DACH1: variants seen among roughly 807,000 people sequenced by gnomAD.
DACH1 encodes the protein dachshund homolog 1.
A neutral mutation model predicts 54.2 loss-of-function variants in DACH1; 12 were observed. That is an observed-to-expected ratio of 0.22 (90% CI 0.14 to 0.36). The LOEUF is 0.36. Among genes scored for constraint, DACH1 ranks in the 10% least tolerant of loss-of-function variants. The pLI, the probability that DACH1 is intolerant of heterozygous loss-of-function variation, is 1.00. For missense variants in DACH1, 805 were observed against 929.8 expected (o/e 0.87, Z 1.75); for synonymous variants, 386 against 366.2 (o/e 1.05, Z -0.62).
intron 10 of DACH1, among the ~76,000 whole-genome samples, chr13:71,444,377 A>T (rs1405428557): frequency 6.6e-6 from 1 of 152,136 alleles, no homozygotes; most frequent in East Asian, 1.9e-4. Flanking sequence ...TCTAGCATGT[A>T]TTCAATTATA....
chr13:71,856,856 A>G (rs983149240), intron 1 of DACH1, among the ~76,000 whole-genome samples: 5 of 151,952 alleles, frequency 3.3e-5, no homozygotes, highest in Admixed American at 1.3e-4. Flanking sequence ...GGTAATACAC[A>G]TCTCCTTATG....
intron 1 of DACH1, among the ~76,000 whole-genome samples, chr13:71,713,732 G>C (rs1882837932): frequency 6.6e-6 from 1 of 152,000 alleles, no homozygotes. Flanking sequence ...AATTGTAGTA[G>C]CATCATTCCC....
chr13:71,658,698 A>G (rs1297225880), intron 2 of DACH1, among the ~76,000 whole-genome samples: 1 of 152,228 alleles, frequency 6.6e-6, no homozygotes, highest in Non-Finnish European at 1.5e-5. Flanking sequence ...TTAAAAGTCT[A>G]AAACCTACAA....
chr13:71,569,221 C>T (rs1476478987), intron 4 of DACH1, among the ~76,000 whole-genome samples: 7 of 151,810 alleles, frequency 4.6e-5, no homozygotes, highest in Non-Finnish European at 1.0e-4. Context: ...TTAGTTTGAG[C>T]TGCTTCAGTT....
chr13:71,625,833 C>T (rs992835855), intron 3 of DACH1, among the ~76,000 whole-genome samples: 3 of 151,930 alleles, frequency 2.0e-5, no homozygotes, highest in Non-Finnish European at 4.4e-5. Flanking sequence ...AAAGAAATTA[C>T]AGCAGTTAGA....
chr13:71,817,518 C>T (rs180704641), intron 1 of DACH1, among the ~76,000 whole-genome samples: 1 of 152,266 alleles, frequency 6.6e-6, no homozygotes, highest in East Asian at 1.9e-4. Flanking sequence ...GGCCTGCACT[C>T]AACAATGTCG....
chr13:71,792,190 G>A (rs1206225973), intron 1 of DACH1, among the ~76,000 whole-genome samples: 3 of 151,736 alleles, frequency 2.0e-5, no homozygotes, highest in African/African-American at 7.3e-5. Context: ...TAACTTTTCC[G>A]CCCAGTAAAT....
At chr13:71,746,016 G>A (rs1011259305) in intron 1 of DACH1, among the ~76,000 whole-genome samples, 11 of 152,088 alleles carry the variant, frequency 7.2e-5, no homozygotes, top group Admixed American at 2.0e-4. Flanking sequence ...TCAAGAGATC[G>A]AGACCATCCT....
At chr13:71,557,346 G>T (rs975459949) in intron 5 of DACH1, among the ~76,000 whole-genome samples, 188 bp from the exon 6 acceptor site, 1 of 151,992 alleles carries the variant, frequency 6.6e-6, no homozygotes, top group Admixed American at 6.6e-5. Context: ...TAATTTGTCA[G>T]AATATGCAGA....
intron 2 of DACH1, among the ~76,000 whole-genome samples, chr13:71,656,091 T>A (rs2138637831): frequency 6.6e-6 from 1 of 152,346 alleles, no homozygotes; most frequent in South Asian, 2.1e-4. Flanking sequence ...TATTGGGCTT[T>A]ATTTAGAAGC....
intron 2 of DACH1, among the ~76,000 whole-genome samples, chr13:71,656,686 G>A (rs1879110023): frequency 6.6e-6 from 1 of 151,248 alleles, no homozygotes; most frequent in Admixed American, 6.6e-5. Flanking sequence ...TGACAAATTA[G>A]CTTTCTCTAA....
intron 6 of DACH1, among the ~76,000 whole-genome samples, chr13:71,533,418 T>C (rs1176218739): frequency 6.6e-6 from 1 of 151,996 alleles, no homozygotes; most frequent in African/African-American, 2.4e-5. Context: ...AACTCCAAGC[T>C]TGGCTGTTAC....
chr13:71,529,183 G>GTTTTTTTTTTTT (rs10707603), intron 6 of DACH1, among the ~76,000 whole-genome samples: 1 of 80,976 alleles, frequency 1.2e-5, no homozygotes, highest in African/African-American at 4.4e-5. Flanking sequence ...TGTGATTTGG[G>GTTTTTTTTTTTT]TTTTTTTTTT....
At chr13:71,712,364 A>G (rs1176012054) in intron 1 of DACH1, among the ~76,000 whole-genome samples, 1 of 152,098 alleles carries the variant, frequency 6.6e-6, no homozygotes, top group Non-Finnish European at 1.5e-5. Flanking sequence ...TCTGGGGTAT[A>G]TAGATAACAT....
At position 71,453,584 on chromosome 13, in the gene DACH1, A is replaced by C. The variant is rs551217290; in HGVS notation, c.2084-12892T>G. Among the ~76,000 whole-genome samples the C allele has an allele frequency of 1.2e-4, 19 of 152,296 alleles. No individual in the cohort carries two copies. The South Asian group carries it at 2.1e-3, about 17-fold the overall frequency. The stretch of plus-strand genomic sequence containing the variant: ...ATTTTCTTCTAAGTTTGGAAGAAAA[A>C]AAACTCATCATCTGGCTTTTAAAAG... On this transcript the variant is annotated intron_variant, in intron 10 of 10. Coordinates refer to ENST00000613252, the MANE Select transcript of DACH1 (RefSeq NM_080759.6).
At position 71,688,600 on chromosome 13, in the gene DACH1, C is replaced by T. The variant is rs541303530; in HGVS notation, c.849-6690G>A. The stretch of plus-strand genomic sequence containing the variant: ...ATGTGCACTTCTCAGTACAAACAGA[C>T]TATGAACTAATGCATCAAACAGATT... On this transcript the variant is annotated intron_variant, in intron 1 of 10. Transcript: ENST00000613252. Among the ~76,000 whole-genome samples the T allele has an allele frequency of 3.9e-5, 6 of 152,244 alleles. No individual in the cohort carries two copies. In the South Asian group the frequency reaches 6.2e-4, roughly 16 times the overall value.
chr13:71,553,682 G>A (rs927660252), intron 6 of DACH1, among the ~76,000 whole-genome samples: 4 of 142,760 alleles, frequency 2.8e-5, no homozygotes, highest in African/African-American at 1.0e-4. Flanking sequence ...ATATATATAT[G>A]CCTTAATTAT....
At chr13:71,796,944 T>C (rs944616830) in intron 1 of DACH1, among the ~76,000 whole-genome samples, 2 of 152,108 alleles carry the variant, frequency 1.3e-5, no homozygotes, top group African/African-American at 4.8e-5. Context: ...AAACCAGCTA[T>C]TATTTCTCCA....
At chr13:71,672,607 AAAAT>A (rs1181456967) in intron 2 of DACH1, among the ~76,000 whole-genome samples, 1 of 152,168 alleles carries the variant, frequency 6.6e-6, no homozygotes, top group Non-Finnish European at 1.5e-5. Flanking sequence ...GGGAAAGGCT[AAAAT>A]AAATAAATAA....
Sources: allele counts gnomAD v4.1 joint callset (sites outside exome capture counted in the v4.1 genomes callset), GRCh38; gene constraint gnomAD v4.1.1; transcripts MANE v1.5; gene names NCBI Gene and HGNC (gene_info 2026-07-23, HGNC 2026-07-21).